PDE1C: variants seen among roughly 807,000 people sequenced by gnomAD.
PDE1C encodes the protein phosphodiesterase 1C, also known as dual specificity calcium/calmodulin-dependent 3',5'-cyclic nucleotide phosphodiesterase 1C.
Under a neutral mutation model 93.1 loss-of-function variants are expected in PDE1C, and 62 were observed. The observed-to-expected ratio is 0.67, with a 90% CI of 0.54 to 0.82. The LOEUF is 0.82. Among genes scored for constraint, PDE1C ranks in the 40% least tolerant of loss-of-function variants. The pLI is 0.00. For synonymous variants in PDE1C, 325 were observed against 310.1 expected (o/e 1.05, Z -0.50); for missense variants, 742 against 884.6 (o/e 0.84, Z 2.04).
chr7:32,106,613 C>T (rs1008283556), intron 3 of PDE1C, among the ~76,000 whole-genome samples: 1 of 152,096 alleles, frequency 6.6e-6, no homozygotes, highest in Non-Finnish European at 1.5e-5. Context: ...GCCGCAGACC[C>T]CATTTAAGGA....
intron 1 of PDE1C, among the ~76,000 whole-genome samples, chr7:32,276,783 A>G (rs530050404): frequency 2.4e-4 from 36 of 152,328 alleles, no homozygotes; most frequent in African/African-American, 7.2e-4. Flanking sequence ...CACTCAATAC[A>G]TATCAGTTAC....
At chr7:32,371,316 G>A (rs1784329031) in intron 1 of PDE1C, among the ~76,000 whole-genome samples, 1 of 152,118 alleles carries the variant, frequency 6.6e-6, no homozygotes, top group Non-Finnish European at 1.5e-5. Context: ...TGAGCACCCC[G>A]TTACATGCCC....
chr7:32,278,576 A>G (rs1258526035), intron 1 of PDE1C, among the ~76,000 whole-genome samples: 1 of 152,250 alleles, frequency 6.6e-6, no homozygotes, highest in Non-Finnish European at 1.5e-5. Context: ...TTAAAAACCT[A>G]TAAGCACCAA....
At chr7:31,705,940 C>T in the PDE1C span, among the ~76,000 whole-genome samples, 1 of 143,524 alleles carries the variant, frequency 7.0e-6, no homozygotes, top group Non-Finnish European at 1.5e-5. Context: ...CTGGGGTGAT[C>T]AGTCCAGAAA....
chr7:31,632,500 C>G, the PDE1C span, among the ~76,000 whole-genome samples: 4 of 152,052 alleles, frequency 2.6e-5, no homozygotes, highest in Non-Finnish European at 5.9e-5. Flanking sequence ...GAACCATGGT[C>G]CCAAACAAGC....
At chr7:32,043,436 GGC>G (rs1303038497) in intron 2 of PDE1C, among the ~76,000 whole-genome samples, 1 of 152,100 alleles carries the variant, frequency 6.6e-6, no homozygotes, top group East Asian at 1.9e-4. Flanking sequence ...GATATGCCTG[GGC>G]ATAAGTGCTA....
intron 1 of PDE1C, among the ~76,000 whole-genome samples, chr7:32,334,119 G>C (rs1040901302): frequency 6.6e-6 from 1 of 151,934 alleles, no homozygotes; most frequent in African/African-American, 2.4e-5. Flanking sequence ...AAATCATAAG[G>C]ATCAATTTTA....
chr7:31,934,625 T>C (rs1369549873), intron 2 of PDE1C, among the ~76,000 whole-genome samples: 5 of 151,902 alleles, frequency 3.3e-5, no homozygotes, highest in Non-Finnish European at 7.4e-5. Context: ...ACGGCAAAAC[T>C]GTCTGACTCT....
intron 2 of PDE1C, among the ~76,000 whole-genome samples, chr7:32,001,094 C>A (rs1368262017): frequency 6.6e-6 from 1 of 152,080 alleles, no homozygotes; most frequent in Non-Finnish European, 1.5e-5. Context: ...TACAATCACA[C>A]TCTGTAAAAG....
At chr7:32,226,961 G>T (rs1320780869) in intron 1 of PDE1C, among the ~76,000 whole-genome samples, 1 of 152,168 alleles carries the variant, frequency 6.6e-6, no homozygotes, top group African/African-American at 2.4e-5. Flanking sequence ...AACAGGCACA[G>T]GTGGGCAGCA....
At chr7:31,634,919 G>A in the PDE1C span, among the ~76,000 whole-genome samples, 1 of 152,184 alleles carries the variant, frequency 6.6e-6, no homozygotes, top group Non-Finnish European at 1.5e-5. Context: ...AGGGCAATGA[G>A]ACGTCTCAAG....
chr7:31,777,628 C>A lies in PDE1C; in HGVS notation c.1892-1896G>T, dbSNP rs542966284. Among the ~76,000 whole-genome samples the A allele has an allele frequency of 8.5e-4, 129 of 152,200 alleles. 1 individual carries two copies. The highest frequency in any genetic ancestry group is 1.7e-3 in the Non-Finnish European group (117 of 67,992). Reference sequence around the variant, plus strand: ...AGACATGAGCCACCGCACCCAGCCCCATTTTCATCTTAAACAACAGGGCAC... The same window carrying A: ...AGACATGAGCCACCGCACCCAGCCCAATTTTCATCTTAAACAACAGGGCAC... On this transcript the variant is annotated intron_variant, in intron 16 of 17. Coordinates refer to ENST00000396191, the MANE Select transcript of PDE1C (RefSeq NM_001191057.4).
At chr7:32,307,136 A>G (rs1813025228) in intron 1 of PDE1C, among the ~76,000 whole-genome samples, 1 of 152,216 alleles carries the variant, frequency 6.6e-6, no homozygotes, top group Non-Finnish European at 1.5e-5. Flanking sequence ...TGCATCTGTA[A>G]CAAATATCCA....
At chr7:32,427,203 C>G (rs918594282) in intron 1 of PDE1C, among the ~76,000 whole-genome samples, 6 of 152,194 alleles carry the variant, frequency 3.9e-5, no homozygotes, top group African/African-American at 1.4e-4. Flanking sequence ...CACAGCCTTT[C>G]TACTTACATT....
chr7:32,254,049 G>A (rs1809596932), intron 1 of PDE1C, among the ~76,000 whole-genome samples: 1 of 152,158 alleles, frequency 6.6e-6, no homozygotes, highest in Non-Finnish European at 1.5e-5. Flanking sequence ...CAGGGACAGT[G>A]AATCCCAAAG....
intron 3 of PDE1C, among the ~76,000 whole-genome samples, chr7:32,100,685 G>A (rs1201461356): frequency 6.6e-6 from 1 of 152,156 alleles, no homozygotes; most frequent in Non-Finnish European, 1.5e-5. Context: ...CTGAGGCAAT[G>A]CATGAGATGA....
intron 6 of PDE1C, 81 bp from the exon 7 acceptor site, chr7:31,865,163 G>A (rs1457149202): frequency 3.5e-6 from 5 of 1,444,370 alleles, no homozygotes; most frequent in Non-Finnish European, 3.8e-6. Flanking sequence ...CACCAGGACT[G>A]CTTTTTCTCT....
intron 2 of PDE1C, among the ~76,000 whole-genome samples, chr7:31,888,555 C>T (rs750104448): frequency 3.2e-4 from 49 of 151,826 alleles, no homozygotes; most frequent in Non-Finnish European, 5.9e-4. Flanking sequence ...ATTCTGTGGA[C>T]ATTTAGAAAG....
At chr7:31,789,177 A>G (rs796783711) in intron 16 of PDE1C, 4 of 152,298 alleles carry the variant, frequency 2.6e-5, no homozygotes, top group African/African-American at 9.6e-5. Flanking sequence ...ATTTAGACTC[A>G]TAAAATCCCA....
Sources: allele counts gnomAD v4.1 joint callset (sites outside exome capture counted in the v4.1 genomes callset), GRCh38; gene constraint gnomAD v4.1.1; transcripts MANE v1.5; gene names NCBI Gene and HGNC (gene_info 2026-07-23, HGNC 2026-07-21).